The following DNAH14 variants were observed in gnomAD, a reference collection of about 807,000 sequenced individuals.
The protein encoded by DNAH14 is dynein axonemal heavy chain 14.
Under a neutral mutation model 520.9 loss-of-function variants are expected in DNAH14, and 478 were observed. The ratio of observed to expected loss-of-function variants is 0.92; its 90% CI spans 0.85 to 0.99. DNAH14 has a LOEUF of 0.99. DNAH14 is among the 50% of genes least tolerant of loss of function. The pLI is 0.00. For missense variants in DNAH14, 4,831 were observed against 5,234.5 expected, an observed-to-expected ratio of 0.92 and a Z score of 2.38; for synonymous variants, 1,581 against 1,757.2, an observed-to-expected ratio of 0.90 and a Z score of 2.51.
rs182957070 is a variant in DNAH14 at position 225,298,109 on chromosome 1, G to T, written c.8470-2760G>T. 5.6e-3 allele frequency among the ~76,000 whole-genome samples: 848 copies of T among 152,308 alleles called. 6 individuals are homozygous for T. The highest frequency in any genetic ancestry group is 7.5e-3 in the Non-Finnish European group (507 of 68,020). On this transcript the variant is annotated intron_variant, in intron 55 of 85. Coordinates refer to ENST00000682510, the MANE Select transcript of DNAH14 (RefSeq NM_001367479.1). ...TCATGGCTGCTCAGCTGACCTGAAG[G>T]GGGTGTGTCTGCCAGGGGCAACCCA...
intron 3 of DNAH14, among the ~76,000 whole-genome samples, chr1:224,957,790 A>G (rs1343793842): frequency 6.6e-6 from 1 of 152,172 alleles, no homozygotes; most frequent in African/African-American, 2.4e-5. Context: ...AAGCCAGACC[A>G]GAGTAGAATA....
chr1:224,964,663 A>AT, intron 5 of DNAH14, 54 bp downstream of exon 5: 1 of 1,343,706 alleles, frequency 7.4e-7, no homozygotes, highest in Non-Finnish European at 9.9e-7. Context: ...TTGAAATTAT[A>AT]TTTTAATTTT....
At chr1:225,361,339 T>G (rs146756833) in intron 75 of DNAH14, among the ~76,000 whole-genome samples, 1 of 152,254 alleles carries the variant, frequency 6.6e-6, no homozygotes, top group Non-Finnish European at 1.5e-5. Context: ...AATACTTTTC[T>G]AGGCTGTACC....
intron 21 of DNAH14, among the ~76,000 whole-genome samples, chr1:225,094,683 A>AAAAC (rs1310560954): frequency 3.4e-5 from 3 of 88,440 alleles, no homozygotes; most frequent in Non-Finnish European, 5.6e-5. Context: ...AAAAAACAAC[A>AAAAC]AAACAAACAA....
intron 35 of DNAH14, among the ~76,000 whole-genome samples, chr1:225,161,594 C>CCATAGTGGTTGTACTAATTTA (rs1457860170): frequency 6.6e-6 from 1 of 152,160 alleles, no homozygotes; most frequent in Non-Finnish European, 1.5e-5. Flanking sequence ...AAATTGTTCT[C>CCATAGTGGTTGTACTAATTTA]CATAGTGGTT....
intron 9 of DNAH14, among the ~76,000 whole-genome samples, chr1:225,006,408 A>G (rs2064173198): frequency 1.3e-5 from 2 of 152,170 alleles, no homozygotes; most frequent in South Asian, 2.1e-4. Flanking sequence ...ACAGAGTCAT[A>G]TTTCTCTTCT....
intron 82 of DNAH14, among the ~76,000 whole-genome samples, chr1:225,388,840 G>A (rs866932399): frequency 1.1e-4 from 16 of 152,044 alleles, no homozygotes; most frequent in African/African-American, 3.6e-4. Flanking sequence ...GCAGTGGCAC[G>A]ATCTCTGTTC....
intron 8 of DNAH14, among the ~76,000 whole-genome samples, chr1:224,991,233 T>G (rs959518493): frequency 6.6e-6 from 1 of 150,674 alleles, no homozygotes; most frequent in Non-Finnish European, 1.5e-5. Flanking sequence ...TAGCAGGGAC[T>G]ACAAGCATGT....
intron 10 of DNAH14, among the ~76,000 whole-genome samples, chr1:225,021,766 C>T (rs2065716062): frequency 6.6e-6 from 1 of 151,570 alleles, no homozygotes; most frequent in Admixed American, 6.6e-5. Flanking sequence ...TCATTTTTCA[C>T]AATTCAAAAA....
At chr1:225,195,678 A>G (rs1292126150) in intron 38 of DNAH14, among the ~76,000 whole-genome samples, 1 of 152,062 alleles carries the variant, frequency 6.6e-6, no homozygotes, top group Non-Finnish European at 1.5e-5. Flanking sequence ...ATAAGGAACT[A>G]TCAACTAAGT....
At chr1:225,079,766 C>T (rs113684846) in intron 18 of DNAH14, among the ~76,000 whole-genome samples, 8,772 of 150,442 alleles carry the variant, frequency 0.058, 339 homozygotes, top group Non-Finnish European at 0.077. Flanking sequence ...CTCCGCCTCC[C>T]GGGTTCACGC....
intron 66 of DNAH14, among the ~76,000 whole-genome samples, chr1:225,334,844 G>T (rs1054008223): frequency 9.2e-5 from 14 of 151,394 alleles, no homozygotes; most frequent in Non-Finnish European, 1.8e-4. Context: ...ACTCCAGCAT[G>T]GGAGACAAGC....
Position 225,364,887 on chromosome 1 carries a change from G to T in DNAH14, c.12083G>T (p.Gly4028Val), listed in dbSNP as rs1238767471. The T allele has an allele frequency of 1.3e-6, 2 of 1,544,820 alleles. No individual in the cohort carries two copies. Among genetic ancestry groups the T allele is most frequent in the Non-Finnish European group, 1.7e-6 (2 of 1,144,124 alleles). Residue 4028 changes from glycine to valine, a missense_variant, in exon 76 of 86, where the codon GGT (glycine) becomes GTT (valine). Physicochemically the swap from Gly to Val is moderately radical, Grantham distance 109. Coordinates refer to ENST00000682510, the MANE Select transcript of DNAH14 (RefSeq NM_001367479.1). Reference protein sequence around the residue: ...SSFPIPVLKKGLKIAVESPQG... With the variant: ...SSFPIPVLKKVLKIAVESPQG... ...TTTCCAATTCCTGTTCTTAAAAAGG[G>T]TTTAAAGGTAAGAACAAAGTATAAC...
chr1:224,952,613 G>T (rs936397884), intron 1 of DNAH14, 57 bp from the exon 2 acceptor site: 3 of 965,066 alleles, frequency 3.1e-6, no homozygotes, highest in Non-Finnish European at 4.4e-6. Flanking sequence ...AATACCAATT[G>T]TCATAGCTGT....
At position 224,943,051 on chromosome 1, in the gene DNAH14, A is replaced by G. The variant is rs182086592; in HGVS notation, c.-33-9619A>G. 3.4e-3 allele frequency among the ~76,000 whole-genome samples: 514 copies of G among 152,284 alleles called. 4 individuals are homozygous for G. Among genetic ancestry groups the G allele is most frequent in the African/African-American group, 0.011 (459 of 41,568 alleles). ...GTTAGGGAGGATTCCCTCTTTTTCA[A>G]TTGACTGAAATAGTTTCAGAAGGAA... On this transcript the variant is annotated intron_variant, in intron 1 of 85. Coordinates refer to ENST00000682510, the MANE Select transcript of DNAH14 (RefSeq NM_001367479.1).
intron 34 of DNAH14, among the ~76,000 whole-genome samples, chr1:225,156,994 C>T (rs1180733129): frequency 9.1e-6 from 1 of 109,368 alleles, no homozygotes; most frequent in African/African-American, 3.9e-5. Flanking sequence ...GGATTACAGG[C>T]GTGAGCCACC....
At chr1:225,022,959 AGGT>A (rs2065827529) in intron 10 of DNAH14, among the ~76,000 whole-genome samples, 2 of 152,190 alleles carry the variant, frequency 1.3e-5, no homozygotes, top group Non-Finnish European at 2.9e-5. Flanking sequence ...ATGCAGCTGG[AGGT>A]CATTATTTTA....
intron 53 of DNAH14, among the ~76,000 whole-genome samples, chr1:225,277,024 A>T (rs2093495484): frequency 1.4e-5 from 1 of 72,820 alleles, no homozygotes; most frequent in Non-Finnish European, 2.6e-5. Context: ...GGAGGGAGGG[A>T]GGGAGGAAGG....
intron 3 of DNAH14, among the ~76,000 whole-genome samples, chr1:224,955,348 C>G (rs1379839374): frequency 6.6e-6 from 1 of 152,128 alleles, no homozygotes; most frequent in Non-Finnish European, 1.5e-5. Context: ...TATGTCTGTA[C>G]CACTTTACAG....
Sources: gnomAD v4.1 joint callset for allele counts (sites outside exome capture counted in the v4.1 genomes callset) on GRCh38, gnomAD v4.1.1 for gene constraint, MANE v1.5 for transcripts, NCBI Gene and HGNC (gene_info 2026-07-23, HGNC 2026-07-21) for gene names.